LAMB4: variants seen among roughly 807,000 people sequenced by gnomAD.
LAMB4 encodes the protein laminin subunit beta-4.
In LAMB4, 196 loss-of-function variants were observed where a neutral mutation model predicts 199.2. The ratio of observed to expected loss-of-function variants is 0.98; its 90% CI spans 0.88 to 1.11. The LOEUF (loss-of-function observed/expected upper bound fraction) is 1.11, where lower values mean the gene tolerates loss of function less well. Among genes scored for constraint, LAMB4 ranks in the 50% least tolerant of loss-of-function variants. LAMB4 has a pLI of 0.00. For synonymous variants in LAMB4, 744 were observed against 770.6 expected (o/e 0.97, Z 0.57); for missense variants, 2,080 against 2,171.2 (o/e 0.96, Z 0.83).
Position 108,092,229 on chromosome 7 carries a change from T to C in LAMB4, c.1550+108A>G, listed in dbSNP as rs919929649. ...GGCTGTAGTTAATGTCTCAAGATCA[T>C]TGCTTGTCATGGAATGAAATTTTTC... is the stretch of plus-strand genomic sequence containing the variant. On this transcript the variant is annotated intron_variant, in intron 13 of 33. Coordinates refer to ENST00000388781, the MANE Select transcript of LAMB4 (RefSeq NM_007356.3). 78 of 781,800 alleles carry C rather than the reference T, an allele frequency of 1.0e-4. No homozygotes were observed. The Admixed American group carries it at 1.3e-3, about 13-fold the overall frequency. 48.4% of individuals were successfully genotyped at this position (781,800 alleles called of 1,614,324 possible).
downstream of LAMB4, among the ~76,000 whole-genome samples, chr7:108,019,191 A>T (rs751745457): frequency 5.9e-5 from 9 of 152,174 alleles, no homozygotes; most frequent in Non-Finnish European, 1.2e-4. Flanking sequence ...GCATAGTGGT[A>T]TTCCTTCCAG....
At chr7:108,015,261 C>G in the LAMB4 span, among the ~76,000 whole-genome samples, 292 of 152,190 alleles carry the variant, frequency 1.9e-3, no homozygotes, top group Non-Finnish European at 2.9e-3. Flanking sequence ...CATAAAGATC[C>G]CAGTGTTTAT....
At chr7:108,029,361 T>C (rs76303566) in intron 32 of LAMB4, among the ~76,000 whole-genome samples, 165 bp from the exon 33 acceptor site, 2,044 of 152,318 alleles carry the variant, frequency 0.013, 26 homozygotes, top group Middle Eastern at 0.024. Flanking sequence ...TATTTGCATG[T>C]TTGTTTTTTC....
At chr7:108,033,640 C>T (rs192841560) in intron 31 of LAMB4, among the ~76,000 whole-genome samples, 1 of 152,080 alleles carries the variant, frequency 6.6e-6, no homozygotes, top group Non-Finnish European at 1.5e-5. Context: ...AACTCCTCAC[C>T]TCGGGTGATA....
chr7:108,098,560 C>T lies in LAMB4; in HGVS notation c.1203G>A (p.Gly401=), dbSNP rs2150634325. The T allele has an allele frequency of 1.9e-6, 3 of 1,607,338 alleles. No homozygotes were observed. In the East Asian group the frequency reaches 6.7e-5, roughly 36 times the overall value. The change falls in exon 11 of 34, where the codon GGG becomes GGA. Residue 401 remains glycine (G), a synonymous_variant. Transcript: ENST00000388781. The part of the protein sequence containing the change: ...ACIPCECDPD[G]TISGGICVSH... ...TCACACAAATGCCACCAGATATGGT[C>T]CCATCGGGGTCACATTCACAAGCTG...
chr7:108,019,357 T>C (rs2150469772), downstream of LAMB4, among the ~76,000 whole-genome samples: 1 of 151,976 alleles, frequency 6.6e-6, no homozygotes, highest in Admixed American at 6.5e-5. Context: ...TGCCTTCTCT[T>C]CCACTTGAGA....
Position 108,047,907 on chromosome 7 carries a change from C to T in LAMB4, c.4326+1G>A. ...CAAATAAAGCAAGAGAAGATATTTA[C>T]CTGATTTTTCAACCCACGAACCTGT... On this transcript the variant is annotated splice_donor_variant, in intron 28 of 33. Transcript: ENST00000388781. LOFTEE classifies it high-confidence loss of function. 1 of 1,611,508 alleles carries T rather than the reference C, an allele frequency of 6.2e-7. No homozygotes were observed. The highest frequency in any genetic ancestry group is 1.7e-5 in the Admixed American group (1 of 60,006).
intron 16 of LAMB4, among the ~76,000 whole-genome samples, chr7:108,077,622 A>G (rs1243303028): frequency 1.3e-5 from 2 of 152,186 alleles, no homozygotes; most frequent in Non-Finnish European, 2.9e-5. Context: ...TGAACCCAGC[A>G]GGCAGAGGTT....
Position 108,049,206 on chromosome 7 carries a change from A to G in LAMB4, c.4122+120T>C, listed in dbSNP as rs112785097. On this transcript the variant is annotated intron_variant, in intron 27 of 33. Transcript: ENST00000388781. ...ATTTTATATACCTACATATATTTATATATTTCTAATATATAATGAAAAAGA... is the reference window on the plus strand; with the variant it reads ...ATTTTATATACCTACATATATTTATGTATTTCTAATATATAATGAAAAAGA... 10 of 273,212 alleles carry G rather than the reference A, an allele frequency of 3.7e-5. No homozygotes were observed. In the East Asian group the frequency reaches 4.7e-4, roughly 13 times the overall value. 16.9% of individuals were successfully genotyped at this position (273,212 alleles called of 1,614,324 possible).
chr7:108,022,824 G>GT (rs1300245945), downstream of LAMB4, among the ~76,000 whole-genome samples: 1 of 151,762 alleles, frequency 6.6e-6, no homozygotes, highest in Non-Finnish European at 1.5e-5. Context: ...TGTTTGTTTT[G>GT]TTTTTTGAGA....
intron 23 of LAMB4, among the ~76,000 whole-genome samples, chr7:108,059,430 T>C (rs1194191755): frequency 6.6e-6 from 1 of 152,176 alleles, no homozygotes; most frequent in Non-Finnish European, 1.5e-5. Context: ...CAACCTGCCT[T>C]GGCTTCTTTT....
At chr7:108,061,949 C>T (rs2036175346) in intron 23 of LAMB4, among the ~76,000 whole-genome samples, 1 of 152,090 alleles carries the variant, frequency 6.6e-6, no homozygotes, top group Admixed American at 6.5e-5. Flanking sequence ...CTTAAATTCG[C>T]ATTTTCATTC....
chr7:108,115,402 G>T (rs2038370499), intron 3 of LAMB4, among the ~76,000 whole-genome samples: 2 of 152,178 alleles, frequency 1.3e-5, no homozygotes, highest in Admixed American at 1.3e-4. Flanking sequence ...AGGCCCAGTG[G>T]CTTAGCCTGT....
rs2034995416 is a variant in LAMB4, at chr7:108,030,690, T to C, written c.4992+116A>G. 7 of 956,192 alleles carry C rather than the reference T, an allele frequency of 7.3e-6. No individual in the cohort carries two copies. In the East Asian group the frequency reaches 1.4e-4, roughly 20 times the overall value. 59.2% of individuals were successfully genotyped at this position (956,192 alleles called of 1,614,324 possible). On this transcript the variant is annotated intron_variant, in intron 32 of 33. Transcript: ENST00000388781. ...ATCCCCTCAAAGATATACCATTGAG[T>C]CATGGACCAGCACAAAGGAAATGAT...
intron 12 of LAMB4, among the ~76,000 whole-genome samples, chr7:108,094,149 C>A (rs1379299645): frequency 6.6e-6 from 1 of 152,162 alleles, no homozygotes; most frequent in Non-Finnish European, 1.5e-5. Flanking sequence ...GCTTGCCCTG[C>A]AAGCAAAAGT....
chr7:108,130,106 C>G (rs1049528925), intron 1 of LAMB4, among the ~76,000 whole-genome samples, 200 bp downstream of exon 1: 2 of 152,296 alleles, frequency 1.3e-5, no homozygotes, highest in African/African-American at 4.8e-5. Context: ...CATCAATTTT[C>G]CCATTGGATA....
chr7:108,074,922 T>C (rs1331110394), intron 17 of LAMB4, among the ~76,000 whole-genome samples: 1 of 152,126 alleles, frequency 6.6e-6, no homozygotes, highest in Non-Finnish European at 1.5e-5. Context: ...ATTTACAAAG[T>C]TTAGAAATAT....
chr7:108,078,257 G>T lies in LAMB4; in HGVS notation c.1947C>A (p.Cys649Ter). The T allele has an allele frequency of 1.9e-6, 3 of 1,611,736 alleles. No individual in the cohort carries two copies. Among genetic ancestry groups the T allele is most frequent in the Non-Finnish European group, 2.5e-6 (3 of 1,179,128 alleles). The part of the protein sequence containing the change: ...VVNPPGGSEH[C>*]IPKTLQSKPQ... ...GCTTTGACTGTAGAGTCTTGGGTAT[G>T]CAGTGCTCACTCCCTCCAGGGGGGT... Residue 649 changes from cysteine (C) to a stop codon, truncating the protein, a stop_gained, in exon 16 of 34, where the codon TGC (cysteine) becomes TGA (stop). Transcript: ENST00000388781. LOFTEE classifies it high-confidence loss of function.
intron 14 of LAMB4, among the ~76,000 whole-genome samples, chr7:108,083,183 A>C (rs965439351): frequency 6.6e-6 from 1 of 152,176 alleles, no homozygotes; most frequent in Non-Finnish European, 1.5e-5. Context: ...TTCCTTCTGT[A>C]GTCTGAAAGT....
Sources: allele counts gnomAD v4.1 joint callset (sites outside exome capture counted in the v4.1 genomes callset), GRCh38; gene constraint gnomAD v4.1.1; transcripts MANE v1.5; gene names NCBI Gene and HGNC (gene_info 2026-07-23, HGNC 2026-07-21).